The following DGKK variants were observed in gnomAD, a reference collection of about 807,000 sequenced individuals.
DGKK encodes diacylglycerol kinase kappa, also known as 142 kDa diacylglycerol kinase.
A neutral mutation model predicts 92.2 loss-of-function variants in DGKK; 35 were observed. That is an observed-to-expected ratio of 0.38 (90% CI 0.29 to 0.50). DGKK has a LOEUF of 0.50. Among genes scored for constraint, DGKK ranks in the 20% least tolerant of loss-of-function variants. The probability of loss-of-function intolerance (pLI) is 0.92; values close to 1 mark genes in which losing one functional copy is unlikely to be tolerated. For synonymous variants in DGKK, 368 were observed against 360.6 expected (o/e 1.02, Z -0.23); for missense variants, 910 against 992.2 (o/e 0.92, Z 1.11).
intron 1 of DGKK, among the ~76,000 whole-genome samples, chrX:50,467,743 G>C (rs112804657): frequency 0.027 from 3,018 of 112,582 alleles, 89 homozygotes; most frequent in African/African-American, 0.091. Context: ...GTCTGAGGAA[G>C]ATGCAGGAGA....
chrX:50,457,016 T>C (rs782118050), intron 1 of DGKK, among the ~76,000 whole-genome samples: 1 of 111,736 alleles, frequency 8.9e-6, no homozygotes. Flanking sequence ...TTACCCCATA[T>C]TGCACCACCA....
At chrX:50,426,854 G>T (rs1925755448) in intron 1 of DGKK, among the ~76,000 whole-genome samples, 1 of 112,034 alleles carries the variant, frequency 8.9e-6, no homozygotes, top group African/African-American at 3.2e-5. Context: ...AATACTAAAT[G>T]CTGGCAAGAA....
At position 50,443,231 on chromosome X, in the gene DGKK, T is replaced by C. The variant is rs1043253823; in HGVS notation, c.646-18873A>G. Reference sequence around the variant, plus strand: ...ATTTGAGGTCACTTTGGGGCTTGTTTGCCACAACACACCAACAATTCTACC... The same window carrying C: ...ATTTGAGGTCACTTTGGGGCTTGTTCGCCACAACACACCAACAATTCTACC... On this transcript the variant is annotated intron_variant, in intron 1 of 27. Coordinates refer to ENST00000611977, the MANE Select transcript of DGKK (RefSeq NM_001013742.4). Among the ~76,000 whole-genome samples, 3 of 110,566 alleles carry C rather than the reference T, an allele frequency of 2.7e-5. No individual in the cohort carries two copies. In the Admixed American group the frequency reaches 2.9e-4, roughly 11 times the overall value.
intron 1 of DGKK, among the ~76,000 whole-genome samples, chrX:50,434,423 A>C (rs782525308): frequency 1.8e-4 from 20 of 111,510 alleles, no homozygotes; most frequent in African/African-American, 4.6e-4. Context: ...CTGGGGTTTG[A>C]ACCCTGATCT....
intron 12 of DGKK, 37 bp from the exon 13 acceptor site, chrX:50,388,655 G>C: frequency 9.7e-7 from 1 of 1,026,766 alleles, no homozygotes. Flanking sequence ...TGGAATCTTA[G>C]TACAATAACA....
In DGKK at chrX:50,403,550, C is replaced by A. The variant is rs1308085573; in HGVS notation, c.1126G>T (p.Asp376Tyr). 1 of 1,208,886 alleles carries A rather than the reference C, an allele frequency of 8.3e-7. No homozygotes were observed. Among genetic ancestry groups the A allele is most frequent in the African/African-American group, 1.8e-5 (1 of 56,908 alleles). ...HRLCALRASK[D>Y]CKWNTLSITD... ...ATAGACAATGTATTCCACTTGCAGT[C>A]TTTGCTTGCTCTCAAAGCACACAAT... Residue 376 changes from aspartate to tyrosine, a missense_variant, in exon 6 of 28, where the codon GAC becomes TAC. Transcript: ENST00000611977.
intron 1 of DGKK, among the ~76,000 whole-genome samples, chrX:50,432,949 G>A (rs934643731): frequency 1.8e-5 from 2 of 111,842 alleles, no homozygotes; most frequent in South Asian, 3.8e-4. Context: ...GAGGAGGTGA[G>A]CAATCTGAGC....
At chrX:50,409,992 T>C (rs1925265700) in intron 4 of DGKK, among the ~76,000 whole-genome samples, 1 of 112,009 alleles carries the variant, frequency 8.9e-6, no homozygotes, top group Non-Finnish European at 1.9e-5. Context: ...TCTTGGACTC[T>C]CTGGCTTCCG....
At chrX:50,369,467 G>A (rs1017791858) in intron 27 of DGKK, among the ~76,000 whole-genome samples, 5 of 96,743 alleles carry the variant, frequency 5.2e-5, no homozygotes, top group South Asian at 5.0e-4. Context: ...CTTTCATTTC[G>A]CTCCCTTTCT....
chrX:50,370,511 C>T lies in DGKK; in HGVS notation c.3651G>A (p.Leu1217=). ...TTCCCAATTTGGGGAACTTAATTTT[C>T]AGCCTGAGGCTTCTACTGTCAGTGT... The part of the protein sequence containing the change: ...SSDTDSRSLR[L]KIKFPKLGKK... Residue 1217 remains leucine (L), a synonymous_variant, in exon 27 of 28, where the codon CTG becomes CTA. Coordinates refer to ENST00000611977, the MANE Select transcript of DGKK (RefSeq NM_001013742.4). 1 of 1,196,976 alleles carries T rather than the reference C, an allele frequency of 8.4e-7. No individual in the cohort carries two copies. Among genetic ancestry groups the T allele is most frequent in the Non-Finnish European group, 1.1e-6 (1 of 887,587 alleles).
At chrX:50,375,907 A>C in intron 24 of DGKK, 117 bp downstream of exon 24, 2 of 876,822 alleles carry the variant, frequency 2.3e-6, no homozygotes. Context: ...TCTCTCCATC[A>C]GTTTCCTGCC....
At chrX:50,433,463 T>C (rs899417046) in intron 1 of DGKK, among the ~76,000 whole-genome samples, 10 of 111,266 alleles carry the variant, frequency 9.0e-5, no homozygotes, top group African/African-American at 3.3e-4. Flanking sequence ...TTTCACTGTA[T>C]TGGGAATGCC....
At chrX:50,385,905 C>T (rs191606844) in intron 15 of DGKK, among the ~76,000 whole-genome samples, 3 of 111,827 alleles carry the variant, frequency 2.7e-5, no homozygotes, top group Non-Finnish European at 5.6e-5. Flanking sequence ...ACTGTCAGGA[C>T]CACTCTCAGG....
rs1355976247 is a variant in DGKK, at chrX:50,420,569, C to T, written c.838-62G>A. 5.1e-6 allele frequency: 5 copies of T among 985,446 alleles called. No individual in the cohort carries two copies. In the African/African-American group the frequency reaches 9.5e-5, roughly 19 times the overall value. 81.2% of individuals were successfully genotyped at this position (985,446 alleles called of 1,213,427 possible). On this transcript the variant is annotated intron_variant, in intron 3 of 27. Coordinates refer to ENST00000611977, the MANE Select transcript of DGKK (RefSeq NM_001013742.4). ...CCATAACTTTGCCTTCAAACACAGT[C>T]TGTGAACTCTCTAAGAAACTACACA...
chrX:50,430,458 C>A lies in DGKK; in HGVS notation c.646-6100G>T, dbSNP rs558683212. On this transcript the variant is annotated intron_variant, in intron 1 of 27. Transcript: ENST00000611977. ...TAACATTATGGTTTCTACTATTAAA[C>A]CCTCAAGGCTGATTGTTTTGTGGTG... 4.5e-5 allele frequency among the ~76,000 whole-genome samples: 5 copies of A among 111,944 alleles called. 1 individual carries two copies. In the South Asian group the frequency reaches 1.9e-3, roughly 42 times the overall value.
At chrX:50,414,765 A>C (rs1336823223) in intron 4 of DGKK, among the ~76,000 whole-genome samples, 1 of 111,855 alleles carries the variant, frequency 8.9e-6, no homozygotes, top group Non-Finnish European at 1.9e-5. Flanking sequence ...TAAGGAGATT[A>C]GTGTGGATGT....
At chrX:50,422,358 G>T in intron 3 of DGKK, 88 bp downstream of exon 3, 2 of 753,854 alleles carry the variant, frequency 2.7e-6, no homozygotes, top group Non-Finnish European at 3.8e-6. Flanking sequence ...GAAACCTGAA[G>T]TTCAAAGAAG....
chrX:50,420,349 C>A (rs1181824122), intron 4 of DGKK, 54 bp downstream of exon 4: 10 of 1,072,470 alleles, frequency 9.3e-6, no homozygotes, highest in Middle Eastern at 3.3e-4. Flanking sequence ...TTAACTAATG[C>A]AATTAATTAT....
rs1926773563 is a variant in DGKK, at chrX:50,462,533, T to G, written c.645+7501A>C. ...GAGGATTTCTTCCCTTTTCCTCAAATATTTTTTTTCTCCTCTTGGATGTGG... is the reference window on the plus strand; with the variant it reads ...GAGGATTTCTTCCCTTTTCCTCAAAGATTTTTTTTCTCCTCTTGGATGTGG... On this transcript the variant is annotated intron_variant, in intron 1 of 27. Coordinates refer to ENST00000611977, the MANE Select transcript of DGKK (RefSeq NM_001013742.4). 4.6e-5 allele frequency among the ~76,000 whole-genome samples: 5 copies of G among 109,112 alleles called. No homozygotes were observed. In the South Asian group the frequency reaches 2.0e-3, roughly 44 times the overall value. The allele number at this position is 109,112 out of a possible 115,157, so 94.8% of individuals were successfully genotyped here.
Sources: gnomAD v4.1 joint callset for allele counts (sites outside exome capture counted in the v4.1 genomes callset) on GRCh38, gnomAD v4.1.1 for gene constraint, MANE v1.5 for transcripts, NCBI Gene and HGNC (gene_info 2026-07-23, HGNC 2026-07-21) for gene names.